RBFOX1: variants seen among roughly 807,000 people sequenced by gnomAD.
RBFOX1 encodes the protein RNA binding fox-1 homolog 1.
Under a neutral mutation model 57.7 loss-of-function variants are expected in RBFOX1, and 8 were observed. The ratio of observed to expected loss-of-function variants is 0.14; its 90% CI spans 0.08 to 0.25. The LOEUF is 0.25. Ranked by LOEUF, RBFOX1 falls within the 10% of genes least tolerant of loss-of-function variation. The probability of loss-of-function intolerance (pLI) is 1.00; values close to 1 mark genes in which losing one functional copy is unlikely to be tolerated. For synonymous variants in RBFOX1, 326 were observed against 222.4 expected (o/e 1.47, Z -4.15); for missense variants, 611 against 548.5 (o/e 1.11, Z -1.14).
intron 5 of RBFOX1, among the ~76,000 whole-genome samples, chr16:7,572,017 C>A (rs1738897778): frequency 6.6e-6 from 1 of 152,100 alleles, no homozygotes; most frequent in South Asian, 2.1e-4. Flanking sequence ...GTCCCAGCTA[C>A]TGGGGAGGCT....
intron 1 of RBFOX1, among the ~76,000 whole-genome samples, chr16:5,341,446 A>G (rs1234039231): frequency 6.6e-6 from 1 of 152,120 alleles, no homozygotes; most frequent in Non-Finnish European, 1.5e-5. Context: ...GAGTTGGAAA[A>G]AAGTGATTGG....
intron 1 of RBFOX1, among the ~76,000 whole-genome samples, chr16:5,285,393 C>G (rs1281455767): frequency 6.6e-6 from 1 of 152,062 alleles, no homozygotes; most frequent in Non-Finnish European, 1.5e-5. Context: ...TCTGTGTTCT[C>G]TTATATCTCC....
chr16:7,073,898 A>G (rs1567161516), intron 4 of RBFOX1, among the ~76,000 whole-genome samples: 1 of 146,546 alleles, frequency 6.8e-6, no homozygotes, highest in Non-Finnish European at 1.5e-5. Context: ...TGTAGAAAAG[A>G]AAAAAAAATT....
chr16:5,713,936 C>T (rs1020039587), intron 3 of RBFOX1, among the ~76,000 whole-genome samples: 14 of 152,170 alleles, frequency 9.2e-5, no homozygotes, highest in South Asian at 8.3e-4. Flanking sequence ...TTCTGGGAGA[C>T]GTGGGAGATG....
At chr16:7,474,605 G>C (rs919177555) in intron 4 of RBFOX1, among the ~76,000 whole-genome samples, 1 of 152,144 alleles carries the variant, frequency 6.6e-6, no homozygotes, top group Non-Finnish European at 1.5e-5. Context: ...AATTACTTTT[G>C]CACCAAGCTA....
intron 4 of RBFOX1, among the ~76,000 whole-genome samples, chr16:7,114,507 T>G (rs1234926450): frequency 6.6e-6 from 1 of 152,146 alleles, no homozygotes; most frequent in Non-Finnish European, 1.5e-5. Flanking sequence ...CTGTGAAAAT[T>G]AGCAGTGGAA....
chr16:7,315,220 G>A (rs1213566681), intron 4 of RBFOX1, among the ~76,000 whole-genome samples: 1 of 151,944 alleles, frequency 6.6e-6, no homozygotes, highest in Non-Finnish European at 1.5e-5. Flanking sequence ...AGACAGAGTA[G>A]GAGTTTGAGG....
At chr16:6,420,752 A>G (rs919930751) in intron 2 of RBFOX1, among the ~76,000 whole-genome samples, 16 of 152,244 alleles carry the variant, frequency 1.1e-4, no homozygotes, top group Admixed American at 3.9e-4. Flanking sequence ...ATATCAGTGC[A>G]GAGACCAGAG....
At chr16:6,730,502 C>G (rs1334313515) in intron 3 of RBFOX1, among the ~76,000 whole-genome samples, 1 of 152,166 alleles carries the variant, frequency 6.6e-6, no homozygotes, top group Admixed American at 6.5e-5. Context: ...ATCTATCTAT[C>G]CATCTATCTA....
chr16:6,456,370 A>G (rs929820576), intron 2 of RBFOX1, among the ~76,000 whole-genome samples: 12 of 152,198 alleles, frequency 7.9e-5, no homozygotes, highest in African/African-American at 2.9e-4. Context: ...GTGCATTGGC[A>G]TGGTCATAGC....
intron 4 of RBFOX1, among the ~76,000 whole-genome samples, chr16:7,191,155 G>A (rs898272716): frequency 6.6e-6 from 1 of 152,054 alleles, no homozygotes; most frequent in African/African-American, 2.4e-5. Context: ...TTTATAGTTA[G>A]TGCTCTCTTC....
chr16:7,411,391 C>G (rs1228122914), intron 4 of RBFOX1, among the ~76,000 whole-genome samples: 2 of 152,186 alleles, frequency 1.3e-5, no homozygotes, highest in Admixed American at 1.3e-4. Context: ...CTACACTCTT[C>G]CTTCTCTAAA....
At chr16:5,313,413 T>C (rs560977327) in intron 1 of RBFOX1, among the ~76,000 whole-genome samples, 1 of 152,292 alleles carries the variant, frequency 6.6e-6, no homozygotes, top group Non-Finnish European at 1.5e-5. Context: ...TGGAAGTGGC[T>C]TATGTTATTC....
At chr16:6,496,571 A>G (rs2095775009) in intron 2 of RBFOX1, among the ~76,000 whole-genome samples, 1 of 152,202 alleles carries the variant, frequency 6.6e-6, no homozygotes. Context: ...TTGCTGCATT[A>G]CATTGCCCCT....
intron 4 of RBFOX1, among the ~76,000 whole-genome samples, chr16:7,418,526 C>G (rs942429391): frequency 1.3e-5 from 2 of 152,164 alleles, no homozygotes; most frequent in Non-Finnish European, 2.9e-5. Flanking sequence ...TTCCTGATGG[C>G]TTATCTGATG....
chr16:7,145,911 C>T (rs972326150), intron 4 of RBFOX1, among the ~76,000 whole-genome samples: 1 of 152,158 alleles, frequency 6.6e-6, no homozygotes, highest in Non-Finnish European at 1.5e-5. Context: ...AAGTCCATGA[C>T]CCTCTGGCGG....
chr16:6,456,397 G>C (rs1558353), intron 2 of RBFOX1, among the ~76,000 whole-genome samples: 121,319 of 152,066 alleles, frequency 0.8, 48,509 homozygotes, highest in Middle Eastern at 0.87. Context: ...CTGTTCTGAA[G>C]TTCTGGGCTC....
intron 3 of RBFOX1, among the ~76,000 whole-genome samples, chr16:5,651,489 G>C (rs750694307): frequency 6.6e-6 from 1 of 152,116 alleles, no homozygotes; most frequent in South Asian, 2.1e-4. Context: ...CAGAACGGAG[G>C]GACCAAAGCA....
chr16:6,256,361 G>A (rs777759304), intron 1 of RBFOX1, among the ~76,000 whole-genome samples: 3 of 148,070 alleles, frequency 2.0e-5, no homozygotes, highest in Non-Finnish European at 4.5e-5. Context: ...AGAAGGGGAA[G>A]AGGTTGGGTA....
Sources: allele counts gnomAD v4.1 joint callset (sites outside exome capture counted in the v4.1 genomes callset), GRCh38; gene constraint gnomAD v4.1.1; transcripts MANE v1.5; gene names NCBI Gene and HGNC (gene_info 2026-07-23, HGNC 2026-07-21).